Variants in RNF6 observed in about 807,000 individuals in gnomAD.
RNF6 encodes ring finger protein 6.
RNF6 carries 21 observed loss-of-function variants against 50.1 expected under a neutral mutation model. The observed-to-expected ratio is 0.42, with a 90% CI of 0.30 to 0.60. The LOEUF (loss-of-function observed/expected upper bound fraction) is 0.60, where lower values mean the gene tolerates loss of function less well. RNF6 is among the 20% of genes least tolerant of loss of function. The pLI is 0.20. For missense variants in RNF6, 698 were observed against 838.2 expected, an observed-to-expected ratio of 0.83 and a Z score of 2.07; for synonymous variants, 255 against 291.8, an observed-to-expected ratio of 0.87 and a Z score of 1.29.
chr13:26,161,491 C>T (rs1425395205), intron 5 of RNF6, among the ~76,000 whole-genome samples: 1 of 152,064 alleles, frequency 6.6e-6, no homozygotes, highest in African/African-American at 2.4e-5. Flanking sequence ...CCTTTGTGTC[C>T]TGCAGTAAAA....
In RNF6 at chr13:26,219,532, A is replaced by G. The variant is rs775960771; in HGVS notation, c.118T>C (p.Tyr40His). ...TTGAGTTCATTAATAAACTGATAAT[A>G]GGCCTCTTCTCTGTGGAGACGCTCT... ...QQERLHREEA[Y>H]YQFINELNDE... Residue 40 changes from tyrosine to histidine, a missense_variant, in exon 3 of 5, where the codon TAT (tyrosine) becomes CAT (histidine). Tyr to His is a moderately conservative substitution (Grantham distance 83, BLOSUM62 2). Coordinates refer to ENST00000381588, the MANE Select transcript of RNF6 (RefSeq NM_005977.4). The G allele has an allele frequency of 6.2e-7, 1 of 1,613,692 alleles. No individual in the cohort carries two copies. The highest frequency in any genetic ancestry group is 1.1e-5 in the South Asian group (1 of 91,026).
intron 5 of RNF6, among the ~76,000 whole-genome samples, chr13:26,171,004 C>T (rs1289770050): frequency 2.6e-5 from 4 of 152,072 alleles, no homozygotes; most frequent in Non-Finnish European, 5.9e-5. Flanking sequence ...GGTTTGGCAA[C>T]GATTTCTTGC....
chr13:26,186,810 T>C (rs1293881443), intron 5 of RNF6, among the ~76,000 whole-genome samples: 2 of 151,422 alleles, frequency 1.3e-5, no homozygotes, highest in Non-Finnish European at 1.5e-5. Flanking sequence ...CGGAGTCTCG[T>C]TCTGTCGCCC....
chr13:26,221,013 A>C (rs1049165152), intron 2 of RNF6, among the ~76,000 whole-genome samples: 3 of 152,156 alleles, frequency 2.0e-5, no homozygotes, highest in African/African-American at 7.2e-5. Context: ...AACATTATCC[A>C]CTCAAATATG....
intron 5 of RNF6, among the ~76,000 whole-genome samples, chr13:26,145,677 C>G (rs1871195887): frequency 6.6e-6 from 1 of 152,190 alleles, no homozygotes; most frequent in African/African-American, 2.4e-5. Flanking sequence ...AATTAAAACT[C>G]TTTTCTTTAT....
chr13:26,160,496 C>T (rs1020978011), intron 5 of RNF6, among the ~76,000 whole-genome samples: 3 of 149,442 alleles, frequency 2.0e-5, no homozygotes, highest in Non-Finnish European at 4.4e-5. Context: ...GTAGCTGGGA[C>T]TACAGGCTTA....
chr13:26,218,571 C>G lies in RNF6; in HGVS notation c.229G>C (p.Asp77His). ...GATGCTAGTTGTTCCTTGACGCCAT[C>G]TAACCGCTGTTGCAGTTCTTCTGAT... The part of the protein sequence containing the change: ...ITSEELQQRL[D>H]GVKEQLASQP... Residue 77 changes from aspartate to histidine, a missense_variant, in exon 4 of 5, where the codon GAT becomes CAT. Coordinates refer to ENST00000381588, the MANE Select transcript of RNF6 (RefSeq NM_005977.4). The G allele has an allele frequency of 6.2e-7, 1 of 1,613,996 alleles. No homozygotes were observed. The highest frequency in any genetic ancestry group is 8.5e-7 in the Non-Finnish European group (1 of 1,179,898).
chr13:26,181,783 T>A (rs942054839), intron 5 of RNF6, among the ~76,000 whole-genome samples: 6 of 152,232 alleles, frequency 3.9e-5, no homozygotes, highest in Non-Finnish European at 8.8e-5. Flanking sequence ...TCCAGTGGGA[T>A]GCTACAGGTT....
At chr13:26,203,910 G>A (rs780394476) in intron 5 of RNF6, among the ~76,000 whole-genome samples, 2 of 152,022 alleles carry the variant, frequency 1.3e-5, no homozygotes, top group Admixed American at 6.5e-5. Flanking sequence ...CCCAGATCGC[G>A]CCACTGCACT....
At chr13:26,167,240 AG>A (rs1872495601) in intron 5 of RNF6, among the ~76,000 whole-genome samples, 1 of 152,266 alleles carries the variant, frequency 6.6e-6, no homozygotes, top group African/African-American at 2.4e-5. Context: ...TGCACAGCAA[AG>A]GAACCTATCT....
intron 5 of RNF6, among the ~76,000 whole-genome samples, chr13:26,157,882 A>AGATGGATGGATG (rs61591240): frequency 1.0e-3 from 153 of 149,316 alleles, no homozygotes; most frequent in African/African-American, 3.4e-3. Flanking sequence ...AGAGAAAAAG[A>AGATGGATGGATG]GATGGATGGA....
intron 5 of RNF6, among the ~76,000 whole-genome samples, chr13:26,136,764 C>T (rs73158235): frequency 6.6e-6 from 1 of 152,098 alleles, no homozygotes; most frequent in African/African-American, 2.4e-5. Flanking sequence ...TATGGCCTCA[C>T]TGGGGAGGCC....
At chr13:26,144,388 T>TC (rs1346992436) in intron 5 of RNF6, among the ~76,000 whole-genome samples, 4 of 151,472 alleles carry the variant, frequency 2.6e-5, no homozygotes, top group Admixed American at 2.6e-4. Context: ...TTCATTTTTT[T>TC]TTTTCACTAT....
chr13:26,137,920 TGAA>T (rs1870735578), intron 5 of RNF6, among the ~76,000 whole-genome samples: 1 of 151,928 alleles, frequency 6.6e-6, no homozygotes, highest in African/African-American at 2.4e-5. Flanking sequence ...GGAAGACACA[TGAA>T]GAAGAACATT....
chr13:26,141,683 G>A (rs2137557006), intron 5 of RNF6, among the ~76,000 whole-genome samples: 1 of 152,196 alleles, frequency 6.6e-6, no homozygotes, highest in African/African-American at 2.4e-5. Context: ...ACCATATGCA[G>A]AAGAATAAAA....
chr13:26,181,427 T>C (rs1450219443), intron 5 of RNF6, among the ~76,000 whole-genome samples: 1 of 152,158 alleles, frequency 6.6e-6, no homozygotes, highest in African/African-American at 2.4e-5. Context: ...GCCTAGGCTG[T>C]TGGCAACAGC....
Position 26,143,388 on chromosome 13 carries a change from C to A in RNF6, n.769-10937G>T, listed in dbSNP as rs114386671. On this transcript the variant is annotated intron_variant and non_coding_transcript_variant, in intron 5 of 5. Transcript: ENST00000468480. ...TCTTATTTGCCTGTTGATTCAGAAG[C>A]ATGAGGAGCCCAAAGTGGCCATATG... Among the ~76,000 whole-genome samples, 101 of 152,276 alleles carry A rather than the reference C, an allele frequency of 6.6e-4. 1 individual carries two copies. The highest frequency in any genetic ancestry group is 2.4e-3 in the African/African-American group (100 of 41,560).
At chr13:26,177,360 T>G (rs1282769283) in intron 5 of RNF6, among the ~76,000 whole-genome samples, 4 of 152,186 alleles carry the variant, frequency 2.6e-5, no homozygotes, top group African/African-American at 7.2e-5. Context: ...GTCACCAATA[T>G]CCTGGTTGTC....
intron 5 of RNF6, among the ~76,000 whole-genome samples, chr13:26,175,821 A>G (rs1469529362): frequency 6.6e-6 from 1 of 152,186 alleles, no homozygotes; most frequent in East Asian, 1.9e-4. Flanking sequence ...GAAAATGCAC[A>G]TGGAAAACAA....
Sources: allele counts gnomAD v4.1 joint callset (sites outside exome capture counted in the v4.1 genomes callset), GRCh38; gene constraint gnomAD v4.1.1; transcripts MANE v1.5; gene names NCBI Gene and HGNC (gene_info 2026-07-23, HGNC 2026-07-21).